DNAH10: variants seen among roughly 807,000 people sequenced by gnomAD.
The protein encoded by DNAH10 is axonemal beta dynein heavy chain 10.
A neutral mutation model predicts 506.6 loss-of-function variants in DNAH10; 348 were observed. That is an observed-to-expected ratio of 0.69 (90% CI 0.63 to 0.75). DNAH10 has a LOEUF of 0.75. Among genes scored for constraint, DNAH10 ranks in the 30% least tolerant of loss-of-function variants. The pLI is 0.00. For synonymous variants in DNAH10, 2,059 were observed against 2,198.6 expected, an observed-to-expected ratio of 0.94 and a Z score of 1.78; for missense variants, 5,179 against 5,787.1, an observed-to-expected ratio of 0.89 and a Z score of 3.41.
chr12:123,865,991 G>A lies in DNAH10; in HGVS notation c.7085G>A (p.Arg2362Gln), dbSNP rs761439518. ...TATGCCTCCCCTGCAACTGTCTCTC[G>A]ATGTGGAATGGTTTATGTGGATCCT... ...LQYASPATVS[R>Q]CGMVYVDPKN... Residue 2362 changes from arginine (R) to glutamine (Q), a missense_variant, in exon 41 of 79, where the codon CGA becomes CAA. By Grantham distance (43) the Arg-to-Gln change is conservative. Around this residue, in one of 3 missense-constraint regions of DNAH10, gnomAD observed 4,844 missense variants for 5,430.5 expected, o/e 0.89. Coordinates refer to ENST00000673944, the MANE Select transcript of DNAH10 (RefSeq NM_001372106.1). The A allele has an allele frequency of 1.2e-5, 20 of 1,610,214 alleles. No individual in the cohort carries two copies. The highest frequency in any genetic ancestry group is 4.0e-5 in the African/African-American group (3 of 74,770).
At chr12:123,878,481 A>C (rs1203529065) in intron 48 of DNAH10, among the ~76,000 whole-genome samples, 1 of 152,224 alleles carries the variant, frequency 6.6e-6, no homozygotes, top group Non-Finnish European at 1.5e-5. Context: ...GCCTTGAAAC[A>C]TACAGACTGT....
chr12:123,935,275 T>C, intron 78 of DNAH10, 60 bp from the exon 79 acceptor site: 1 of 1,574,642 alleles, frequency 6.4e-7, no homozygotes, highest in African/African-American at 1.3e-5. Flanking sequence ...ACTGCACCTC[T>C]GCCTTTATCC....
At chr12:123,882,535 G>A (rs1335112023) in intron 51 of DNAH10, among the ~76,000 whole-genome samples, 1 of 152,132 alleles carries the variant, frequency 6.6e-6, no homozygotes, top group African/African-American at 2.4e-5. Flanking sequence ...GCTCATACCA[G>A]TAATCCCAGC....
At chr12:123,833,442 A>T (rs1960792557) in intron 27 of DNAH10, 95 bp downstream of exon 27, 2 of 948,608 alleles carry the variant, frequency 2.1e-6, no homozygotes, top group Non-Finnish European at 3.2e-6. Context: ...TTATATGAGG[A>T]TATTTTGTGC....
chr12:123,805,663 C>T (rs1464789134), intron 18 of DNAH10, among the ~76,000 whole-genome samples: 1 of 152,114 alleles, frequency 6.6e-6, no homozygotes, highest in Admixed American at 6.6e-5. Flanking sequence ...TCTATATTGT[C>T]AAGAGTAGTG....
Position 123,848,749 on chromosome 12 carries a change from C to G in DNAH10, c.5969C>G (p.Ser1990Cys). ...MDYRAVGKIFSGLAQCGAWGC... is the reference protein window; with the variant it reads ...MDYRAVGKIFCGLAQCGAWGC... ...TCCTAGGCCGTGGGGAAGATTTTCT[C>G]TGGCCTGGCACAGTGCGGGGCTTGG... Residue 1990 changes from serine to cysteine, a missense_variant, in exon 34 of 79, where the codon TCT becomes TGT. Ser to Cys is a moderately radical substitution (Grantham distance 112). This residue lies in a region of DNAH10 where 4,844 missense variants were observed against 5,430.5 expected (regional missense o/e 0.89). Coordinates refer to ENST00000673944, the MANE Select transcript of DNAH10 (RefSeq NM_001372106.1). 8.1e-6 allele frequency: 13 copies of G among 1,613,984 alleles called. No homozygotes were observed. The highest frequency in any genetic ancestry group is 1.1e-5 in the Non-Finnish European group (13 of 1,179,874).
At chr12:123,932,136 TGCCGATTCA>T in intron 76 of DNAH10, 28 bp downstream of exon 76, 3 of 1,612,018 alleles carry the variant, frequency 1.9e-6, no homozygotes, top group Non-Finnish European at 2.5e-6. Context: ...GCCTCCTCTC[TGCCGATTCA>T]GGTGTCAGCC....
rs984373122 is a variant in DNAH10, at chr12:123,841,387, G to A, written c.5202G>A (p.Ala1734=). Residue 1734 remains alanine (A), a synonymous_variant, in exon 30 of 79, where the codon GCG becomes GCA. Coordinates refer to ENST00000673944, the MANE Select transcript of DNAH10 (RefSeq NM_001372106.1). ...ATAGTGGAGAAAAACTGGTGTCCGC[G>A]ATGATTTCAGCAGAAGGAGAAGTCA... ...DGDSGEKLVS[A]MISAEGEVME... is the part of the protein sequence containing the mutation. 4.3e-6 allele frequency: 7 copies of A among 1,613,894 alleles called. No individual in the cohort carries two copies. Among genetic ancestry groups the A allele is most frequent in the Admixed American group, 1.7e-5 (1 of 59,994 alleles).
At position 123,919,780 on chromosome 12, in the gene DNAH10, G is replaced by A. The variant is rs960409578; in HGVS notation, c.11506+831G>A. ...CCTCACGGTTCATCCGTGTTGCTGC[G>A]TGTGTCAGCGCTTCATTCCTGCCTG... On this transcript the variant is annotated intron_variant, in intron 65 of 78. Coordinates refer to ENST00000673944, the MANE Select transcript of DNAH10 (RefSeq NM_001372106.1). The surrounding 1 kb of genome is among the most constrained non-coding windows in gnomAD (Gnocchi z 4.9). Among the ~76,000 whole-genome samples, 14 of 152,310 alleles carry A rather than the reference G, an allele frequency of 9.2e-5. No homozygotes were observed. The highest frequency in any genetic ancestry group is 8.3e-4 in the South Asian group (4 of 4,830).
At chr12:123,905,461 G>A (rs961801353) in intron 57 of DNAH10, among the ~76,000 whole-genome samples, 1 of 152,198 alleles carries the variant, frequency 6.6e-6, no homozygotes, top group Admixed American at 6.5e-5. Flanking sequence ...CCGCCGTGGG[G>A]ATGGAACCTA....
chr12:123,875,299 T>C lies in DNAH10; in HGVS notation c.8007T>C (p.Tyr2669=), dbSNP rs1413723204. 5.0e-6 allele frequency: 8 copies of C among 1,613,390 alleles called. No homozygotes were observed. The highest frequency in any genetic ancestry group is 6.8e-6 in the Non-Finnish European group (8 of 1,179,636). ...TGCTGTTGGAAAAAGGCTACTTATATGACCGTGGGAAGGAGCTGAACTGTA... is the reference window on the plus strand; with the variant it reads ...TGCTGTTGGAAAAAGGCTACTTATACGACCGTGGGAAGGAGCTGAACTGTA... The part of the protein sequence containing the change: ...LKLLLEKGYL[Y]DRGKELNCKS... Residue 2669 remains tyrosine (Y), a synonymous_variant, in exon 47 of 79, where the codon TAT becomes TAC. Transcript: ENST00000673944.
chr12:123,812,174 G>A (rs561024451), intron 19 of DNAH10, among the ~76,000 whole-genome samples: 36 of 152,068 alleles, frequency 2.4e-4, no homozygotes, highest in African/African-American at 2.4e-5. Context: ...AGCCTTGGCC[G>A]GGCGCAGTGG....
At chr12:123,810,033 G>A (rs1380158612) in intron 19 of DNAH10, among the ~76,000 whole-genome samples, 1 of 151,738 alleles carries the variant, frequency 6.6e-6, no homozygotes, top group East Asian at 1.9e-4. Context: ...TTTTTTCCTT[G>A]CTTATTTATC....
At chr12:123,912,868 A>G (rs1451065956) in intron 59 of DNAH10, among the ~76,000 whole-genome samples, 1 of 152,220 alleles carries the variant, frequency 6.6e-6, no homozygotes, top group Non-Finnish European at 1.5e-5. Context: ...ACATGAAAGT[A>G]AAACCATTTG....
chr12:123,859,325 T>A (rs1951526519), intron 38 of DNAH10, 57 bp downstream of exon 38: 2 of 1,358,614 alleles, frequency 1.5e-6, no homozygotes, highest in Non-Finnish European at 2.0e-6. Flanking sequence ...CAGTATATGT[T>A]TGGTGCCAGT....
chr12:123,805,483 G>C (rs1339267869), intron 18 of DNAH10, among the ~76,000 whole-genome samples: 1 of 152,298 alleles, frequency 6.6e-6, no homozygotes, highest in South Asian at 2.1e-4. Flanking sequence ...GCCAGACTCT[G>C]TCCCTTCCCT....
chr12:123,934,924 A>G, intron 78 of DNAH10, 158 bp downstream of exon 78: 1 of 997,234 alleles, frequency 1.0e-6, no homozygotes, highest in Non-Finnish European at 1.4e-6. Flanking sequence ...AGCTACGGAT[A>G]GCTGCTTCCT....
intron 16 of DNAH10, 124 bp from the exon 17 acceptor site, chr12:123,803,537 G>T: frequency 1.1e-6 from 1 of 947,228 alleles, no homozygotes; most frequent in South Asian, 2.0e-5. Context: ...AAGACCCAAG[G>T]GGTTGGAATG....
At chr12:123,881,331 A>C (rs1335721307) in intron 50 of DNAH10, among the ~76,000 whole-genome samples, 1 of 152,074 alleles carries the variant, frequency 6.6e-6, no homozygotes, top group African/African-American at 2.4e-5. Flanking sequence ...TGACTTTTTA[A>C]TGATTGCCAT....
Sources: allele counts gnomAD v4.1 joint callset (sites outside exome capture counted in the v4.1 genomes callset), GRCh38; gene constraint gnomAD v4.1.1; regional missense constraint gnomAD v4.1.1; non-coding constraint Gnocchi (gnomAD v3.1); transcripts MANE v1.5; gene names NCBI Gene and HGNC (gene_info 2026-07-23, HGNC 2026-07-21).